The following FRMD4A variants were observed in gnomAD, a reference collection of about 807,000 sequenced individuals.
FRMD4A encodes the protein FERM domain-containing protein 4A.
In FRMD4A, 29 loss-of-function variants were observed where a neutral mutation model predicts 129.1. The observed-to-expected ratio is 0.22, with a 90% CI of 0.17 to 0.31. The LOEUF (loss-of-function observed/expected upper bound fraction) is 0.31. Among genes scored for constraint, FRMD4A ranks in the 10% least tolerant of loss-of-function variants. The probability of loss-of-function intolerance (pLI) is 1.00; values close to 1 mark genes in which losing one functional copy is unlikely to be tolerated. For synonymous variants in FRMD4A, 634 were observed against 571.6 expected (o/e 1.11, Z -1.56); for missense variants, 1,272 against 1,375.8 (o/e 0.92, Z 1.19).
intron 2 of FRMD4A, among the ~76,000 whole-genome samples, chr10:14,098,585 G>A (rs1837127655): frequency 6.6e-6 from 1 of 151,776 alleles, no homozygotes; most frequent in African/African-American, 2.4e-5. Context: ...TTGTATTTTT[G>A]TTTTAGTAGA....
chr10:13,800,360 G>A (rs1413721908), intron 4 of FRMD4A, among the ~76,000 whole-genome samples: 2 of 152,206 alleles, frequency 1.3e-5, no homozygotes, highest in African/African-American at 2.4e-5. Flanking sequence ...CAATGACAAT[G>A]TAGGCTTAAA....
intron 2 of FRMD4A, among the ~76,000 whole-genome samples, chr10:13,929,512 T>A (rs541815109): frequency 2.3e-3 from 351 of 152,200 alleles, no homozygotes; most frequent in Non-Finnish European, 3.8e-3. Context: ...AAAACCAACT[T>A]ATGAAGATAA....
chr10:14,057,937 C>T (rs1457905047), intron 2 of FRMD4A, among the ~76,000 whole-genome samples: 1 of 152,200 alleles, frequency 6.6e-6, no homozygotes, highest in Non-Finnish European at 1.5e-5. Flanking sequence ...GTGTCTGCGT[C>T]AGTGGACAAG....
intron 2 of FRMD4A, among the ~76,000 whole-genome samples, chr10:13,989,031 CTTTT>C (rs11326311): frequency 6.7e-6 from 1 of 149,220 alleles, no homozygotes; most frequent in African/African-American, 2.5e-5. Context: ...TTTTCAGTAA[CTTTT>C]TTTTTTTGTC....
At chr10:13,894,587 T>C (rs539650643) in intron 2 of FRMD4A, among the ~76,000 whole-genome samples, 103 of 152,318 alleles carry the variant, frequency 6.8e-4, no homozygotes, top group African/African-American at 2.3e-3. Context: ...TCACTGCTCC[T>C]GCCACATCCT....
intron 12 of FRMD4A, among the ~76,000 whole-genome samples, chr10:13,709,546 AAAT>A (rs984044037): frequency 6.6e-6 from 1 of 151,958 alleles, no homozygotes; most frequent in African/African-American, 2.4e-5. Flanking sequence ...TTAAAAAAAA[AAAT>A]ATGTGTGTGC....
intron 2 of FRMD4A, among the ~76,000 whole-genome samples, chr10:13,919,033 A>G (rs972054651): frequency 6.6e-6 from 1 of 152,202 alleles, no homozygotes; most frequent in Non-Finnish European, 1.5e-5. Flanking sequence ...TAATTTCCAA[A>G]GTGACATCTA....
At chr10:14,100,111 GT>G (rs1837223351) in intron 2 of FRMD4A, among the ~76,000 whole-genome samples, 1 of 152,184 alleles carries the variant, frequency 6.6e-6, no homozygotes, top group South Asian at 2.1e-4. Flanking sequence ...AAACCCAGTT[GT>G]GGTGCCTGGC....
intron 2 of FRMD4A, among the ~76,000 whole-genome samples, chr10:14,106,659 A>G (rs976488476): frequency 1.3e-5 from 2 of 152,206 alleles, no homozygotes; most frequent in African/African-American, 4.8e-5. Context: ...CACTACTCAC[A>G]TGACAGCCTC....
At chr10:14,055,029 GAGA>G (rs1773511450) in intron 2 of FRMD4A, among the ~76,000 whole-genome samples, 1 of 152,118 alleles carries the variant, frequency 6.6e-6, no homozygotes, top group South Asian at 2.1e-4. Flanking sequence ...ATGGACGCAA[GAGA>G]AGAAGTTTAC....
At chr10:14,218,111 T>A (rs1843131581) in intron 2 of FRMD4A, among the ~76,000 whole-genome samples, 1 of 152,256 alleles carries the variant, frequency 6.6e-6, no homozygotes, top group South Asian at 2.1e-4. Flanking sequence ...ATTATAGGCA[T>A]GAGCCATGGT....
chr10:14,180,438 C>T (rs185132970), intron 2 of FRMD4A, among the ~76,000 whole-genome samples: 145 of 152,234 alleles, frequency 9.5e-4, no homozygotes, highest in Middle Eastern at 3.4e-3. Context: ...TTTTGAAATG[C>T]GCATGGGAAA....
rs1009016563 is a variant in FRMD4A at position 14,125,301 on chromosome 10, T to C, written c.45+204757A>G. On this transcript the variant is annotated intron_variant, in intron 2 of 24. Transcript: ENST00000357447. ...CTGCTTCTCCACTGCCTTTGAAATA[T>C]TATTTTAGATCTGCCAAAATAATTG... Among the ~76,000 whole-genome samples, 7 of 152,166 alleles carry C rather than the reference T, an allele frequency of 4.6e-5. No individual in the cohort carries two copies. In the South Asian group the frequency reaches 6.2e-4, roughly 14 times the overall value.
At chr10:13,890,766 C>T (rs1015427803) in intron 2 of FRMD4A, 3 of 985,184 alleles carry the variant, frequency 3.0e-6, no homozygotes, top group Non-Finnish European at 3.6e-6. Context: ...CATTGGTTCT[C>T]GTTTCTCAGC....
intron 2 of FRMD4A, among the ~76,000 whole-genome samples, chr10:14,147,198 A>C (rs369078753): frequency 6.6e-6 from 1 of 152,196 alleles, no homozygotes; most frequent in Non-Finnish European, 1.5e-5. Flanking sequence ...CTGATGAGTC[A>C]GATCAGGTGA....
chr10:14,000,662 A>AAAAAAAAAAAAAAAG (rs2095639024), intron 2 of FRMD4A, among the ~76,000 whole-genome samples: 1 of 137,302 alleles, frequency 7.3e-6, no homozygotes, highest in African/African-American at 2.5e-5. Context: ...AAAAAAAAAA[A>AAAAAAAAAAAAAAAG]AAAAAAGAGA....
At chr10:14,282,474 G>A (rs145382709) in intron 2 of FRMD4A, among the ~76,000 whole-genome samples, 13 of 152,260 alleles carry the variant, frequency 8.5e-5, no homozygotes, top group East Asian at 5.8e-4. Flanking sequence ...TGCGTTAGCC[G>A]TGAGGAAGCA....
intron 2 of FRMD4A, among the ~76,000 whole-genome samples, chr10:13,908,361 C>G (rs1376265433): frequency 6.6e-6 from 1 of 152,114 alleles, no homozygotes; most frequent in African/African-American, 2.4e-5. Flanking sequence ...CAGTAGGTCT[C>G]TAGCATTCCC....
At chr10:14,099,462 A>C (rs1455842900) in intron 2 of FRMD4A, among the ~76,000 whole-genome samples, 1 of 152,234 alleles carries the variant, frequency 6.6e-6, no homozygotes, top group African/African-American at 2.4e-5. Context: ...CGGGGTATGG[A>C]GAGGACTTAT....
Sources: gnomAD v4.1 joint callset for allele counts (sites outside exome capture counted in the v4.1 genomes callset) on GRCh38, gnomAD v4.1.1 for gene constraint, MANE v1.5 for transcripts, NCBI Gene and HGNC (gene_info 2026-07-23, HGNC 2026-07-21) for gene names.